SMC4: variants seen among roughly 807,000 people sequenced by gnomAD.
SMC4 encodes structural maintenance of chromosomes 4.
SMC4 carries 87 observed loss-of-function variants against 145.6 expected under a neutral mutation model. The observed-to-expected ratio is 0.60, with a 90% confidence interval of 0.50 to 0.71. The LOEUF (loss-of-function observed/expected upper bound fraction) is 0.71, where lower values mean the gene tolerates loss of function less well. SMC4 is among the 30% of genes least tolerant of loss of function. SMC4 has a pLI of 0.00. For missense variants in SMC4, 1,447 were observed against 1,537.1 expected, an observed-to-expected ratio of 0.94 and a Z score of 0.98; for synonymous variants, 558 against 500.7, an observed-to-expected ratio of 1.11 and a Z score of -1.53.
In SMC4 at chr3:160,423,526, T is replaced by C. The variant is rs768811179; in HGVS notation, c.2121T>C (p.Ala707=). The C allele has an allele frequency of 6.2e-7, 1 of 1,613,904 alleles. No individual in the cohort carries two copies. Among genetic ancestry groups the C allele is most frequent in the Non-Finnish European group, 8.5e-7 (1 of 1,179,862 alleles). The change falls in exon 14 of 24, where the codon GCT becomes GCC. Residue 707 remains alanine, a synonymous_variant. Transcript: ENST00000357388. ...VKVKDEKIRQ[A]FYFALRDTLV... Reference sequence around the variant, plus strand: ...TAAAAGATGAGAAAATTCGCCAAGCTTTTTATTTTGCTTTACGAGATACCT... The same window carrying C: ...TAAAAGATGAGAAAATTCGCCAAGCCTTTTATTTTGCTTTACGAGATACCT...
chr3:160,420,660 G>T (rs1384355142), intron 12 of SMC4, 80 bp from the exon 13 acceptor site: 4 of 1,462,942 alleles, frequency 2.7e-6, no homozygotes, highest in African/African-American at 2.9e-5. Context: ...TCAATTAAAA[G>T]AAGTTTTTAA....
rs2108506859 is a variant in SMC4 at position 160,432,277 on chromosome 3, T to C, written c.3298-6T>C. ...ATAGATTTTCCCTATCATAATCTTT[T>C]CACAGGAAGAATTGTATTTGCAACG... is the stretch of plus-strand genomic sequence containing the variant. On this transcript the variant is annotated splice_region_variant and splice_polypyrimidine_tract_variant and intron_variant, in intron 21 of 23. Transcript: ENST00000357388. 1.9e-6 allele frequency: 3 copies of C among 1,565,904 alleles called. No individual in the cohort carries two copies. Among genetic ancestry groups the C allele is most frequent in the Admixed American group, 1.8e-5 (1 of 54,294 alleles).
chr3:160,402,686 G>A lies in SMC4; in HGVS notation c.329G>A (p.Cys110Tyr), dbSNP rs777571509. The A allele has an allele frequency of 1.2e-6, 2 of 1,606,824 alleles. No homozygotes were observed. The highest frequency in any genetic ancestry group is 1.7e-5 in the Admixed American group (1 of 58,122). Residue 110 changes from cysteine to tyrosine, a missense_variant, in exon 4 of 24, where the codon TGT (cysteine) becomes TAT (tyrosine). Physicochemically the swap from Cys to Tyr is radical, Grantham distance 194. Coordinates refer to ENST00000357388, the MANE Select transcript of SMC4 (RefSeq NM_001002800.3). ...ILGPFHKRFSCIIGPNGSGKS... is the reference protein window; with the variant it reads ...ILGPFHKRFSYIIGPNGSGKS... ...GTTTTTTTAATGCAGCGCTTTTCCT[G>A]TATTATCGGGCCAAATGGCAGTGGC...
At chr3:160,426,256 T>C (rs1160817756) in intron 17 of SMC4, 56 bp downstream of exon 17, 5 of 1,309,310 alleles carry the variant, frequency 3.8e-6, no homozygotes. Context: ...TTTTTAAAGC[T>C]TGCAATATTT....
intron 13 of SMC4, among the ~76,000 whole-genome samples, chr3:160,422,706 C>T (rs60607858): frequency 0.12 from 17,903 of 152,082 alleles, 1,681 homozygotes; most frequent in African/African-American, 0.26. Context: ...TTTTGGGTAT[C>T]ATACCCAAGA....
chr3:160,428,707 C>T lies in SMC4; in HGVS notation c.2606-46C>T, dbSNP rs199888145. On this transcript the variant is annotated intron_variant, in intron 17 of 23. Coordinates refer to ENST00000357388, the MANE Select transcript of SMC4 (RefSeq NM_001002800.3). ...AAATGTACATCTAACAAATGATGTTCATTAGCATAAAAACACAAATTAGGT... is the reference window on the plus strand; with the variant it reads ...AAATGTACATCTAACAAATGATGTTTATTAGCATAAAAACACAAATTAGGT... The T allele has an allele frequency of 1.9e-4, 285 of 1,507,220 alleles. 1 individual carries two copies. The African/African-American group carries it at 3.9e-3, about 21-fold the overall frequency. The allele number at this position is 1,507,220 out of a possible 1,614,324, so 93.4% of individuals were successfully genotyped here.
rs1714523860 is a variant in SMC4 at position 160,400,861 on chromosome 3, G to A, written c.35G>A (p.Arg12Gln). 6.5e-7 allele frequency: 1 copy of A among 1,531,676 alleles called. No individual in the cohort carries two copies. Among genetic ancestry groups the A allele is most frequent in the Admixed American group, 1.9e-5 (1 of 52,982 alleles). The allele number at this position is 1,531,676 out of a possible 1,614,324, so 94.9% of individuals were successfully genotyped here. Reference sequence around the variant, plus strand: ...AAAGGCACCCAGCCCTCCACTGCCCGGCGCAGAGAGGAAGGGCCGCCGCCG... The same window carrying A: ...AAAGGCACCCAGCCCTCCACTGCCCAGCGCAGAGAGGAAGGGCCGCCGCCG... ...PRKGTQPSTA[R>Q]RREEGPPPPS... The change falls in exon 2 of 24, where the codon CGG (arginine) becomes CAG (glutamine). Residue 12 changes from arginine to glutamine, a missense_variant. Transcript: ENST00000357388.
At chr3:160,410,043 T>C (rs1299361699) in intron 5 of SMC4, among the ~76,000 whole-genome samples, 2 of 152,158 alleles carry the variant, frequency 1.3e-5, no homozygotes, top group Non-Finnish European at 2.9e-5. Flanking sequence ...ACCACTGTAC[T>C]CCAGCTTAGG....
chr3:160,420,573 T>C (rs1267566224), intron 12 of SMC4, 167 bp from the exon 13 acceptor site: 2 of 548,196 alleles, frequency 3.6e-6, no homozygotes, highest in African/African-American at 4.0e-5. Flanking sequence ...AAGCTGCATA[T>C]TCATAAACTT....
intron 5 of SMC4, among the ~76,000 whole-genome samples, chr3:160,407,529 G>A (rs890130690): frequency 6.6e-6 from 1 of 152,034 alleles, no homozygotes; most frequent in Non-Finnish European, 1.5e-5. Context: ...CTCCAGCCTG[G>A]GTGACAGACC....
intron 5 of SMC4, among the ~76,000 whole-genome samples, chr3:160,407,706 C>T (rs1715497370): frequency 6.6e-6 from 1 of 151,846 alleles, no homozygotes. Context: ...GTTCTAGTCT[C>T]TTAGTCTGTA....
chr3:160,412,531 G>A (rs1333284435), intron 7 of SMC4, 78 bp downstream of exon 7: 5 of 1,456,894 alleles, frequency 3.4e-6, no homozygotes, highest in Non-Finnish European at 3.6e-6. Context: ...TTTTCCTAGA[G>A]AAACATGAAG....
intron 12 of SMC4, among the ~76,000 whole-genome samples, chr3:160,420,383 C>G (rs3773369): frequency 0.21 from 32,173 of 152,116 alleles, 3,750 homozygotes; most frequent in Non-Finnish European, 0.26. Context: ...GTGAATACTG[C>G]TAGATAGTTG....
Position 160,423,795 on chromosome 3 carries a change from A to AG in SMC4, c.2282dup (p.Arg762LysfsTer9). ...CTGGTGGTGGAAGCAAAGTAATGAA[A>AG]GGAAGAATGGGTTCCTCACTTGTTA... On this transcript the variant is annotated frameshift_variant, in exon 15 of 24. Coordinates refer to ENST00000357388, the MANE Select transcript of SMC4 (RefSeq NM_001002800.3). LOFTEE classifies it high-confidence loss of function. 1 of 1,613,936 alleles carries AG rather than the reference A, an allele frequency of 6.2e-7. No individual in the cohort carries two copies. Among genetic ancestry groups the AG allele is most frequent in the East Asian group, 2.2e-5 (1 of 44,864 alleles).
chr3:160,427,001 C>T (rs1230636546), intron 17 of SMC4, among the ~76,000 whole-genome samples: 1 of 152,090 alleles, frequency 6.6e-6, no homozygotes, highest in Admixed American at 6.6e-5. Context: ...GGAGTTGGAG[C>T]GATTATCCAA....
intron 18 of SMC4, 22 bp from the exon 19 acceptor site, chr3:160,430,577 A>C (rs1169980226): frequency 6.5e-7 from 1 of 1,533,082 alleles, no homozygotes; most frequent in Non-Finnish European, 8.8e-7. Context: ...CACATTTTTG[A>C]TGCATCATTT....
chr3:160,406,798 T>G (rs1027310202), intron 5 of SMC4, among the ~76,000 whole-genome samples: 1 of 152,220 alleles, frequency 6.6e-6, no homozygotes, highest in South Asian at 2.1e-4. Flanking sequence ...ATTAAAAATT[T>G]CATTAATTGG....
At position 160,414,494 on chromosome 3, in the gene SMC4, C is replaced by G. The variant is rs752018144; in HGVS notation, c.1249C>G (p.Gln417Glu). 6 of 1,610,760 alleles carry G rather than the reference C, an allele frequency of 3.7e-6. No homozygotes were observed. Among genetic ancestry groups the G allele is most frequent in the Non-Finnish European group, 4.2e-6 (5 of 1,179,156 alleles). The change falls in exon 9 of 24, where the codon CAA becomes GAA. Residue 417 changes from glutamine to glutamate, a missense_variant. Transcript: ENST00000357388. The part of the protein sequence containing the change: ...ATSKAKKLEK[Q>E]LQKDKEKVEE... ...GAGTAAAGCCAAAAAACTGGAGAAA[C>G]AACTTCAAAAAGATAAAGAAAAGGT...
At chr3:160,401,590 A>G (rs951617690) in intron 2 of SMC4, among the ~76,000 whole-genome samples, 1 of 152,184 alleles carries the variant, frequency 6.6e-6, no homozygotes, top group Non-Finnish European at 1.5e-5. Context: ...GCAGCAGGAA[A>G]TAGCTTGTTA....
Sources: allele counts gnomAD v4.1 joint callset (sites outside exome capture counted in the v4.1 genomes callset), GRCh38; gene constraint gnomAD v4.1.1; transcripts MANE v1.5; gene names NCBI Gene and HGNC (gene_info 2026-07-23, HGNC 2026-07-21).